The following PLD5 variants were observed in gnomAD, a reference collection of about 807,000 sequenced individuals.
PLD5 encodes the protein inactive phospholipase D5.
A neutral mutation model predicts 61.1 loss-of-function variants in PLD5; 36 were observed. That is an observed-to-expected ratio of 0.59 (90% confidence interval 0.45 to 0.78). The LOEUF (loss-of-function observed/expected upper bound fraction) is 0.78, where lower values mean the gene tolerates loss of function less well. Ranked by LOEUF, PLD5 falls within the 30% of genes least tolerant of loss-of-function variation. The probability of loss-of-function intolerance (pLI) is 0.00; values close to 1 mark genes in which losing one functional copy is unlikely to be tolerated. For missense variants in PLD5, 515 were observed against 644.4 expected, an observed-to-expected ratio of 0.80 and a Z score of 2.17; for synonymous variants, 243 against 242.8, an observed-to-expected ratio of 1.00 and a Z score of -0.01.
intron 2 of PLD5, among the ~76,000 whole-genome samples, chr1:242,303,338 C>A (rs1676170206): frequency 6.6e-6 from 1 of 152,178 alleles, no homozygotes; most frequent in Non-Finnish European, 1.5e-5. Flanking sequence ...ATTGAGACTG[C>A]CCACAAGATG....
chr1:242,207,916 ATATATTTATATATATT>A (rs1669515924), intron 5 of PLD5, among the ~76,000 whole-genome samples: 1 of 14,868 alleles, frequency 6.7e-5, no homozygotes, highest in South Asian at 6.6e-3. Flanking sequence ...ATATATATTT[ATATATTTATATATATT>A]TATATATTTA....
intron 1 of PLD5, among the ~76,000 whole-genome samples, chr1:242,363,287 T>C (rs1437101423): frequency 6.6e-6 from 1 of 151,568 alleles, no homozygotes; most frequent in Non-Finnish European, 1.5e-5. Flanking sequence ...AGGTACTGTC[T>C]GGAAAATAAA....
upstream of PLD5, among the ~76,000 whole-genome samples, chr1:242,525,234 C>T (rs1013028217): frequency 2.4e-4 from 36 of 149,062 alleles, no homozygotes; most frequent in South Asian, 4.2e-4. Context: ...TGCAAATACG[C>T]CCGGGGGCAG....
intron 1 of PLD5, among the ~76,000 whole-genome samples, chr1:242,465,845 C>T (rs1667262771): frequency 6.6e-6 from 1 of 152,186 alleles, no homozygotes. Flanking sequence ...CAGAGAATTG[C>T]TTGAACCTGG....
intron 5 of PLD5, among the ~76,000 whole-genome samples, chr1:242,198,000 C>T (rs910724860): frequency 1.3e-5 from 2 of 152,036 alleles, no homozygotes; most frequent in Admixed American, 1.3e-4. Context: ...AGGAAAACAC[C>T]CTCGGCCTCA....
chr1:242,442,839 T>G (rs1015090237), intron 1 of PLD5, among the ~76,000 whole-genome samples: 3 of 152,236 alleles, frequency 2.0e-5, no homozygotes, highest in Middle Eastern at 3.2e-3. Context: ...TTCATGCACT[T>G]TCACACAAAT....
chr1:242,150,525 T>C (rs1399580435), intron 5 of PLD5, among the ~76,000 whole-genome samples: 2 of 151,890 alleles, frequency 1.3e-5, no homozygotes, highest in African/African-American at 4.8e-5. Flanking sequence ...TATGGATTCT[T>C]GGAGAAATGA....
At chr1:242,339,134 TGTAATAATAC>T (rs1277520834) in intron 2 of PLD5, among the ~76,000 whole-genome samples, 2 of 152,198 alleles carry the variant, frequency 1.3e-5, no homozygotes, top group Non-Finnish European at 2.9e-5. Flanking sequence ...AATAAAGTAA[TGTAATAATAC>T]ATATTATCTC....
chr1:242,494,088 CCCTT>C (rs1668275946), intron 1 of PLD5, among the ~76,000 whole-genome samples: 3 of 115,400 alleles, frequency 2.6e-5, no homozygotes, highest in South Asian at 3.3e-4. Flanking sequence ...CCCCTGCCCT[CCCTT>C]CCCCTCTCCT....
At chr1:242,394,162 GTA>G (rs935424791) in intron 1 of PLD5, among the ~76,000 whole-genome samples, 6,750 of 93,636 alleles carry the variant, frequency 0.072, 1,334 homozygotes, top group Admixed American at 0.12. Flanking sequence ...ATATATATGA[GTA>G]TATATATGTG....
chr1:242,335,862 G>T (rs1429508047), intron 2 of PLD5, among the ~76,000 whole-genome samples: 3 of 152,034 alleles, frequency 2.0e-5, no homozygotes, highest in Non-Finnish European at 4.4e-5. Context: ...AAAAAGAAAG[G>T]CTCCAAAATC....
chr1:242,450,856 C>T (rs868500796), intron 1 of PLD5, among the ~76,000 whole-genome samples: 1 of 152,116 alleles, frequency 6.6e-6, no homozygotes, highest in Non-Finnish European at 1.5e-5. Flanking sequence ...AGATGTAGCT[C>T]AATGCTTGCA....
At chr1:242,366,909 C>G (rs1389683304) in intron 1 of PLD5, among the ~76,000 whole-genome samples, 1 of 151,802 alleles carries the variant, frequency 6.6e-6, no homozygotes. Flanking sequence ...TATTTTTTTA[C>G]TACTTATAAA....
intron 1 of PLD5, among the ~76,000 whole-genome samples, chr1:242,348,708 C>T (rs1660280461): frequency 6.6e-6 from 1 of 152,126 alleles, no homozygotes; most frequent in South Asian, 2.1e-4. Context: ...AGACCATGTG[C>T]CCAAGGTGGT....
intron 5 of PLD5, among the ~76,000 whole-genome samples, chr1:242,140,106 C>T (rs1462454270): frequency 6.6e-6 from 1 of 152,154 alleles, no homozygotes; most frequent in East Asian, 1.9e-4. Context: ...AGCATGATGC[C>T]ATCTTGAAGT....
Position 242,524,377 on chromosome 1 carries a change from G to GTGGAGCTGGAGACTGAGC in PLD5, c.-119_-102dup, listed in dbSNP as rs1308412039. On this transcript the variant is annotated 5_prime_UTR_variant, in exon 1 of 10. Coordinates refer to ENST00000536534, the MANE Select transcript of PLD5 (RefSeq NM_001372062.1). ...GCGGGAGGCCCAGCGGGAGCCGGAG[G>GTGGAGCTGGAGACTGAGC]TGGAGCTGGAGACTGAGCTGGAGGA... The GTGGAGCTGGAGACTGAGC allele has an allele frequency of 5.1e-6, 6 of 1,185,428 alleles. No homozygotes were observed. Among genetic ancestry groups the GTGGAGCTGGAGACTGAGC allele is most frequent in the Non-Finnish European group, 6.6e-6 (6 of 913,524 alleles). 73.4% of individuals were successfully genotyped at this position (1,185,428 alleles called of 1,614,324 possible).
In PLD5 at chr1:242,083,233, C is replaced by T. The variant is rs1041103073; in HGVS notation, c.*6621G>A. On this transcript the variant is annotated 3_prime_UTR_variant, in exon 10 of 10. Coordinates refer to ENST00000536534, the MANE Select transcript of PLD5 (RefSeq NM_001372062.1). ...GGCTGTGCTTCCTATTCATCATTTA[C>T]TTTCTGGTGTTCAAACTCCCTAAAA... 1 of 152,218 alleles carries T rather than the reference C, an allele frequency of 6.6e-6. No homozygotes were observed. The highest frequency in any genetic ancestry group is 1.5e-5 in the Non-Finnish European group (1 of 68,058). 9.4% of individuals were successfully genotyped at this position (152,218 alleles called of 1,614,324 possible). A position where few individuals can be genotyped will look rare whatever the true frequency, so the allele number is the denominator to read the frequency against.
Position 242,123,715 on chromosome 1 carries a change from G to T in PLD5, c.933+753C>A, listed in dbSNP as rs369869424. ...TTTTCTTATCAACATGATAATGAAT[G>T]GGCATTGAACAAAACGATGTTATTG... On this transcript the variant is annotated intron_variant, in intron 6 of 9. Transcript: ENST00000536534. Among the ~76,000 whole-genome samples the T allele has an allele frequency of 5.3e-4, 80 of 152,308 alleles. 3 individuals carry two copies. The South Asian group carries it at 0.015, about 29-fold the overall frequency.
chr1:242,213,116 G>C (rs1383062994), intron 5 of PLD5, among the ~76,000 whole-genome samples: 1 of 152,098 alleles, frequency 6.6e-6, no homozygotes, highest in Non-Finnish European at 1.5e-5. Flanking sequence ...CCCTTCCCCC[G>C]TGGTGATTCC....
Sources: allele counts gnomAD v4.1 joint callset (sites outside exome capture counted in the v4.1 genomes callset), GRCh38; gene constraint gnomAD v4.1.1; transcripts MANE v1.5; gene names NCBI Gene and HGNC (gene_info 2026-07-23, HGNC 2026-07-21).